The following DDX60L variants were observed in gnomAD, a reference collection of about 807,000 sequenced individuals.
DDX60L encodes the protein DExD/H-box 60 like, also known as probable ATP-dependent RNA helicase DDX60-like.
In DDX60L, 191 loss-of-function variants were observed where a neutral mutation model predicts 211.6. The observed-to-expected ratio is 0.90, with a 90% CI of 0.80 to 1.02. The LOEUF is 1.02. Ranked by LOEUF, DDX60L falls within the 50% of genes least tolerant of loss-of-function variation. DDX60L has a pLI of 0.00. For missense variants in DDX60L, 2,007 were observed against 1,984.1 expected (o/e 1.01, Z -0.22); for synonymous variants, 706 against 694.1 (o/e 1.02, Z -0.27).
chr4:168,460,023 A>C (rs1757113497), intron 5 of DDX60L, among the ~76,000 whole-genome samples: 1 of 152,238 alleles, frequency 6.6e-6, no homozygotes, highest in Non-Finnish European at 1.5e-5. Flanking sequence ...TACATTTAGA[A>C]GGCAATTTTC....
intron 4 of DDX60L, chr4:168,469,412 C>T (rs949127814): frequency 6.6e-6 from 1 of 152,084 alleles, no homozygotes; most frequent in Non-Finnish European, 1.5e-5. Context: ...GACCAAAATG[C>T]AAAAGCTGAA....
chr4:168,434,105 T>C (rs1254801223), intron 10 of DDX60L, among the ~76,000 whole-genome samples: 1 of 152,124 alleles, frequency 6.6e-6, no homozygotes, highest in African/African-American at 2.4e-5. Flanking sequence ...CTATAATGTA[T>C]CTAGTGGTGT....
intron 27 of DDX60L, 176 bp downstream of exon 27, chr4:168,395,783 T>C (rs1214321190): frequency 7.2e-6 from 4 of 558,734 alleles, no homozygotes; most frequent in South Asian, 2.5e-5. Flanking sequence ...GAGTCACTTA[T>C]AGAACTTTAG....
At position 168,432,435 on chromosome 4, in the gene DDX60L, A is replaced by G. The variant is rs1752498013; in HGVS notation, c.1516+20T>C. On this transcript the variant is annotated intron_variant, in intron 12 of 37. Transcript: ENST00000682922. ...AGGCAATTCATATAAGCTCTATTTT[A>G]TCGTGGTTACAGAGCTCACCATCAA... The G allele has an allele frequency of 1.4e-6, 2 of 1,405,900 alleles. No individual in the cohort carries two copies. The highest frequency in any genetic ancestry group is 1.4e-5 in the South Asian group (1 of 69,518). 87.1% of individuals were successfully genotyped at this position (1,405,900 alleles called of 1,614,324 possible).
intron 10 of DDX60L, among the ~76,000 whole-genome samples, chr4:168,435,123 G>T (rs1752861991): frequency 6.6e-6 from 1 of 152,160 alleles, no homozygotes; most frequent in Non-Finnish European, 1.5e-5. Context: ...GTAAGGGCTT[G>T]TGGAACGTCA....
At chr4:168,411,512 AG>A (rs1381797747) in intron 22 of DDX60L, among the ~76,000 whole-genome samples, 6 of 152,176 alleles carry the variant, frequency 3.9e-5, no homozygotes, top group African/African-American at 1.4e-4. Flanking sequence ...GCACCAGTGG[AG>A]GGAGCATTTA....
At chr4:168,365,478 G>A (rs1210875409) in intron 36 of DDX60L, among the ~76,000 whole-genome samples, 3 of 148,788 alleles carry the variant, frequency 2.0e-5, no homozygotes, top group Non-Finnish European at 4.5e-5. Context: ...AGAAGAAATA[G>A]AAAATCTAAA....
At chr4:168,420,403 A>G (rs759485681) in intron 17 of DDX60L, 23 bp from the exon 18 acceptor site, 9 of 1,597,852 alleles carry the variant, frequency 5.6e-6, no homozygotes, top group African/African-American at 1.4e-5. Context: ...AAAAAAAACC[A>G]TTAGTCACTT....
At chr4:168,457,814 G>A (rs960646115) in intron 6 of DDX60L, 78 bp downstream of exon 6, 5 of 832,852 alleles carry the variant, frequency 6.0e-6, no homozygotes, top group Non-Finnish European at 9.4e-6. Context: ...CTGGTCTAAG[G>A]ACTGAACTAA....
chr4:168,456,480 A>C (rs1756586534), intron 6 of DDX60L, among the ~76,000 whole-genome samples: 1 of 152,188 alleles, frequency 6.6e-6, no homozygotes, highest in African/African-American at 2.4e-5. Context: ...ACTAAAAATC[A>C]GAGAAGTATA....
At chr4:168,379,541 A>G (rs754116931) in intron 31 of DDX60L, 37 bp from the exon 32 acceptor site, 1 of 1,450,792 alleles carries the variant, frequency 6.9e-7, no homozygotes, top group Admixed American at 2.5e-5. Context: ...TTAACTTGTC[A>G]TGTACTCAAA....
Position 168,416,730 on chromosome 4 carries a change from G to T in DDX60L, c.2678C>A (p.Pro893His). ...WELLLVIIRC[P>H]FLVLSATINN... ...TATGGTAGCTGAAAGAACCAAAAAG[G>T]GACATCGAATAATGACAAGGAGGAG... Residue 893 changes from proline (P) to histidine (H), a missense_variant, in exon 20 of 38, where the codon CCC (proline) becomes CAC (histidine). By Grantham distance (77) the Pro-to-His change is moderately conservative. Transcript: ENST00000682922. 6.2e-7 allele frequency: 1 copy of T among 1,608,192 alleles called. No homozygotes were observed. The highest frequency in any genetic ancestry group is 8.5e-7 in the Non-Finnish European group (1 of 1,177,356).
At chr4:168,446,117 A>T (rs1303521095) in intron 9 of DDX60L, among the ~76,000 whole-genome samples, 1 of 151,050 alleles carries the variant, frequency 6.6e-6, no homozygotes, top group Non-Finnish European at 1.5e-5. Flanking sequence ...ACATGATTGT[A>T]TATCTAGAAA....
At chr4:168,397,453 CA>C (rs1745998739) in intron 26 of DDX60L, among the ~76,000 whole-genome samples, 1 of 152,068 alleles carries the variant, frequency 6.6e-6, no homozygotes, top group African/African-American at 2.4e-5. Context: ...GAACAAAAGA[CA>C]AAGGGTAATA....
At chr4:168,409,266 G>A (rs72976829) in intron 22 of DDX60L, among the ~76,000 whole-genome samples, 2,167 of 152,220 alleles carry the variant, frequency 0.014, 57 homozygotes, top group African/African-American at 0.047. Flanking sequence ...ACACTGTAAT[G>A]GTTCTGTTGC....
chr4:168,402,273 A>G (rs1427369770), intron 25 of DDX60L, among the ~76,000 whole-genome samples: 1 of 152,140 alleles, frequency 6.6e-6, no homozygotes, highest in Non-Finnish European at 1.5e-5. Context: ...AGAAGTTAAT[A>G]TGCAACACCC....
intron 5 of DDX60L, among the ~76,000 whole-genome samples, chr4:168,460,965 C>T (rs2150097433): frequency 6.6e-6 from 1 of 152,320 alleles, no homozygotes; most frequent in East Asian, 1.9e-4. Flanking sequence ...AACAGATGCA[C>T]AGGGCAAGGT....
rs762405697 is a variant in DDX60L, at chr4:168,423,628, T to C, written c.2077A>G (p.Asn693Asp). 2 of 1,581,662 alleles carry C rather than the reference T, an allele frequency of 1.3e-6. No homozygotes were observed. Among genetic ancestry groups the C allele is most frequent in the East Asian group, 4.5e-5 (2 of 44,132 alleles). Residue 693 changes from asparagine (N) to aspartate (D), a missense_variant, in exon 15 of 38, where the codon AAC (asparagine) becomes GAC (aspartate). Asn to Asp is a conservative substitution (Grantham distance 23). Coordinates refer to ENST00000682922, the MANE Select transcript of DDX60L (RefSeq NM_001012967.3). ...LKYLGFNDLA[N>D]SLDPTLIGDD... ...CTTACCAGAGTTGGATCCAAAGAGT[T>C]TGCCAGATCATTAAAGCCTAAATAT...
At chr4:168,451,157 T>A (rs1755756099) in intron 8 of DDX60L, among the ~76,000 whole-genome samples, 1 of 152,218 alleles carries the variant, frequency 6.6e-6, no homozygotes, top group Admixed American at 6.5e-5. Flanking sequence ...ACCTGACCAC[T>A]AAATTCTGGA....
Sources: gnomAD v4.1 joint callset for allele counts (sites outside exome capture counted in the v4.1 genomes callset) on GRCh38, gnomAD v4.1.1 for gene constraint, MANE v1.5 for transcripts, NCBI Gene and HGNC (gene_info 2026-07-23, HGNC 2026-07-21) for gene names.